Variants in CD82 observed in about 807,000 individuals in gnomAD.
CD82 encodes the protein CD82 molecule.
Under a neutral mutation model 37.4 loss-of-function variants are expected in CD82, and 36 were observed. That is an observed-to-expected ratio of 0.96 (90% CI 0.74 to 1.27). CD82 has a LOEUF of 1.27. Ranked by LOEUF, CD82 falls within the 50% of genes most tolerant of loss-of-function variation. The probability of loss-of-function intolerance (pLI) is 0.00; values close to 1 mark genes in which losing one functional copy is unlikely to be tolerated. For synonymous variants in CD82, 158 were observed against 137.4 expected (o/e 1.15, Z -1.05); for missense variants, 340 against 347.0 (o/e 0.98, Z 0.16).
At chr11:44,605,270 G>A (rs1278062657) in intron 5 of CD82, 85 bp from the exon 6 acceptor site, 1 of 1,610,152 alleles carries the variant, frequency 6.2e-7, no homozygotes, top group Non-Finnish European at 8.5e-7. Context: ...GTAACATCGG[G>A]TGGAGAGCAT....
At chr11:44,608,892 G>C (rs763851732) in intron 6 of CD82, among the ~76,000 whole-genome samples, 3 of 152,264 alleles carry the variant, frequency 2.0e-5, no homozygotes, top group Non-Finnish European at 4.4e-5. Context: ...CAGCACTTCA[G>C]AGATGAAGAG....
chr11:44,605,621 C>A (rs971775865), intron 6 of CD82, among the ~76,000 whole-genome samples, 192 bp downstream of exon 6: 14 of 152,162 alleles, frequency 9.2e-5, no homozygotes, highest in Admixed American at 9.2e-4. Context: ...CAGGTGTGGG[C>A]AGTCCCCGCT....
chr11:44,580,032 C>T (rs1053037378), intron 1 of CD82, among the ~76,000 whole-genome samples: 19 of 152,152 alleles, frequency 1.2e-4, no homozygotes, highest in Non-Finnish European at 2.2e-4. Flanking sequence ...TAGGGACCCT[C>T]ACAGAAGGGA....
At position 44,620,018 on chromosome 11, in the gene CD82, C is replaced by T. The variant is rs1853641211; in HGVS notation, c.*892C>T. On this transcript the variant is annotated 3_prime_UTR_variant, in exon 10 of 10. Coordinates refer to ENST00000227155, the MANE Select transcript of CD82 (RefSeq NM_002231.4). Reference sequence around the variant, plus strand: ...CAGCTCAGATTAGCCTAGGCCATGCCCTAGGGACACGGCCTAGGGGAGCTG... The same window carrying T: ...CAGCTCAGATTAGCCTAGGCCATGCTCTAGGGACACGGCCTAGGGGAGCTG... 6.6e-6 allele frequency: 1 copy of T among 151,934 alleles called. No homozygotes were observed. Among genetic ancestry groups the T allele is most frequent in the African/African-American group, 2.4e-5 (1 of 41,264 alleles). The allele number at this position is 151,934 out of a possible 1,614,324, so 9.4% of individuals were successfully genotyped here. A position where few individuals can be genotyped will look rare whatever the true frequency, so the allele number is the denominator to read the frequency against.
In CD82 at chr11:44,597,457, G is replaced by A. The variant is rs1853245640; in HGVS notation, c.64-2701G>A. On this transcript the variant is annotated intron_variant, in intron 3 of 9. Transcript: ENST00000227155. This position sits in a 1 kb window ranked among gnomAD's most constrained non-coding sequence, Gnocchi z 4.1. The stretch of plus-strand genomic sequence containing the variant: ...GGTGCCTTGCCCATTCTGGTAGGCT[G>A]CCCAGCCTCCTTTCTGGCTCTGCCA... Among the ~76,000 whole-genome samples the A allele has an allele frequency of 6.6e-6, 1 of 152,240 alleles. No individual in the cohort carries two copies. Among genetic ancestry groups the A allele is most frequent in the Non-Finnish European group, 1.5e-5 (1 of 68,046 alleles).
intron 7 of CD82, 141 bp downstream of exon 7, chr11:44,615,514 G>A: frequency 1.6e-6 from 1 of 637,366 alleles, no homozygotes. Context: ...CTTCTATGGG[G>A]GCAGGGCACC....
Position 44,619,490 on chromosome 11 carries a change from C to T in CD82, c.*364C>T, listed in dbSNP as rs1049076921. On this transcript the variant is annotated 3_prime_UTR_variant, in exon 10 of 10. Coordinates refer to ENST00000227155, the MANE Select transcript of CD82 (RefSeq NM_002231.4). ...AAATTGGGGAGGAGGGGGCCGGGCG[C>T]GGTGGCTCACGCCTGTAATCCCAGC... The T allele has an allele frequency of 1.6e-4, 30 of 184,492 alleles. No homozygotes were observed. In the East Asian group the frequency reaches 2.1e-3, roughly 13 times the overall value. 11.4% of individuals were successfully genotyped at this position (184,492 alleles called of 1,614,324 possible).
intron 6 of CD82, 21 bp downstream of exon 6, chr11:44,605,450 C>G: frequency 6.2e-7 from 1 of 1,609,928 alleles, no homozygotes; most frequent in Non-Finnish European, 8.5e-7. Flanking sequence ...CTCTCCCTCC[C>G]TCTTCACTGG....
At chr11:44,600,133 A>G in intron 3 of CD82, 25 bp from the exon 4 acceptor site, 1 of 1,613,470 alleles carries the variant, frequency 6.2e-7, no homozygotes, top group Non-Finnish European at 8.5e-7. Context: ...TTGGCTCCCC[A>G]TTAACTGCTC....
At chr11:44,605,241 C>A in intron 5 of CD82, 59 bp downstream of exon 5, 1 of 1,606,868 alleles carries the variant, frequency 6.2e-7, no homozygotes, top group Non-Finnish European at 8.5e-7. Flanking sequence ...CCGAGTGCAG[C>A]CTGACCGCGG....
At chr11:44,590,405 G>A (rs1196739765) in intron 2 of CD82, among the ~76,000 whole-genome samples, 6 of 151,262 alleles carry the variant, frequency 4.0e-5, no homozygotes, top group African/African-American at 1.5e-4. Context: ...TCAGGAGATC[G>A]AGACCATCCT....
chr11:44,567,074 C>A (rs1852746218), intron 1 of CD82, among the ~76,000 whole-genome samples: 1 of 152,172 alleles, frequency 6.6e-6, no homozygotes, highest in South Asian at 2.1e-4. Context: ...GAGGGCTCCC[C>A]CATCCCTACC....
intron 2 of CD82, among the ~76,000 whole-genome samples, chr11:44,590,657 C>A (rs1286330714): frequency 2.1e-5 from 3 of 141,274 alleles, no homozygotes; most frequent in Admixed American, 7.1e-5. Context: ...AGCTCAGAAG[C>A]TGTATAAAAA....
At chr11:44,598,680 A>G (rs544462142) in intron 3 of CD82, among the ~76,000 whole-genome samples, 2 of 152,048 alleles carry the variant, frequency 1.3e-5, no homozygotes, top group African/African-American at 4.8e-5. Context: ...GTGCCTCCTC[A>G]TGTGTTACAC....
chr11:44,568,825 A>C (rs1226379272), intron 1 of CD82, among the ~76,000 whole-genome samples: 1 of 152,216 alleles, frequency 6.6e-6, no homozygotes. Context: ...TAAGGACCAG[A>C]CAGTCCTCCC....
intron 4 of CD82, among the ~76,000 whole-genome samples, chr11:44,602,416 T>A (rs1853320679): frequency 2.0e-5 from 3 of 152,156 alleles, no homozygotes; most frequent in African/African-American, 4.8e-5. Flanking sequence ...CTGAAAAGAG[T>A]TTGGGACAGC....
At chr11:44,565,159 G>GGGGCA (rs16914075), upstream of CD82, among the ~76,000 whole-genome samples, 5,076 of 152,272 alleles carry the variant, frequency 0.033, 110 homozygotes, top group Admixed American at 0.06. Context: ...CGAGATGAGA[G>GGGGCA]GGGCAGGGCA....
At position 44,586,081 on chromosome 11, in the gene CD82, G is replaced by A. The variant is rs978792890; in HGVS notation, c.-102-1394G>A. On this transcript the variant is annotated intron_variant, in intron 1 of 9. Transcript: ENST00000227155. ...CACTGAGGAGCAGAGGGGCTGGCCT[G>A]TGTGAGGGATGGAGCCATGGCAGTG... 2.6e-5 allele frequency among the ~76,000 whole-genome samples: 4 copies of A among 152,190 alleles called. No homozygotes were observed. The East Asian group carries it at 7.7e-4, about 29-fold the overall frequency.
chr11:44,609,647 G>T (rs1313619433), intron 6 of CD82, among the ~76,000 whole-genome samples: 2 of 152,220 alleles, frequency 1.3e-5, no homozygotes, highest in African/African-American at 4.8e-5. Flanking sequence ...CACAGGTGGC[G>T]AGACGGGTTC....
Sources: allele counts gnomAD v4.1 joint callset (sites outside exome capture counted in the v4.1 genomes callset), GRCh38; gene constraint gnomAD v4.1.1; non-coding constraint Gnocchi (gnomAD v3.1); transcripts MANE v1.5; gene names NCBI Gene and HGNC (gene_info 2026-07-23, HGNC 2026-07-21).